The following FTO variants were observed in gnomAD, a reference collection of about 807,000 sequenced individuals.
FTO encodes the protein alpha-ketoglutarate-dependent dioxygenase FTO.
FTO carries 47 observed loss-of-function variants against 63.9 expected under a neutral mutation model. The observed-to-expected ratio is 0.74, with a 90% CI of 0.58 to 0.94. The LOEUF (loss-of-function observed/expected upper bound fraction) is 0.94, where lower values mean the gene tolerates loss of function less well. FTO is among the 40% of genes least tolerant of loss of function. The pLI, the probability that FTO is intolerant of heterozygous loss-of-function variation, is 0.00. For synonymous variants in FTO, 207 were observed against 224.4 expected (o/e 0.92, Z 0.69); for missense variants, 562 against 618.1 (o/e 0.91, Z 0.96).
At chr16:53,931,630 G>C (rs1327849099) in intron 7 of FTO, among the ~76,000 whole-genome samples, 1 of 151,938 alleles carries the variant, frequency 6.6e-6, no homozygotes, top group Non-Finnish European at 1.5e-5. Flanking sequence ...GACTTTTTGA[G>C]GTTCCTTTCA....
chr16:53,707,175 T>C (rs1041476882), intron 1 of FTO, among the ~76,000 whole-genome samples: 5 of 152,228 alleles, frequency 3.3e-5, no homozygotes, highest in African/African-American at 4.8e-5. Context: ...AAGGCATCAA[T>C]AGGGCCATAC....
intron 8 of FTO, among the ~76,000 whole-genome samples, chr16:53,981,034 G>T (rs1158729828): frequency 6.6e-6 from 1 of 152,194 alleles, no homozygotes; most frequent in East Asian, 1.9e-4. Flanking sequence ...AATTTGGAGA[G>T]AAATTTTTGC....
At chr16:54,068,159 G>C (rs190672421) in intron 8 of FTO, among the ~76,000 whole-genome samples, 1 of 152,026 alleles carries the variant, frequency 6.6e-6, no homozygotes, top group Admixed American at 6.6e-5. Flanking sequence ...GCTTCCCCAC[G>C]GTCCTCTGGG....
At chr16:53,948,949 C>T (rs1006355935) in intron 8 of FTO, among the ~76,000 whole-genome samples, 17 of 152,126 alleles carry the variant, frequency 1.1e-4, no homozygotes, top group Admixed American at 9.2e-4. Flanking sequence ...TAGGTTCTTG[C>T]GCGTGAGTGT....
At chr16:53,731,916 G>A (rs2151513757) in intron 1 of FTO, among the ~76,000 whole-genome samples, 1 of 151,706 alleles carries the variant, frequency 6.6e-6, no homozygotes, top group East Asian at 2.0e-4. Flanking sequence ...TGTAGAGACA[G>A]GGTTTCACCA....
At chr16:54,104,655 T>C (rs1459356962) in intron 8 of FTO, among the ~76,000 whole-genome samples, 1 of 152,126 alleles carries the variant, frequency 6.6e-6, no homozygotes, top group East Asian at 1.9e-4. Flanking sequence ...CTATTGCACA[T>C]TAGGAGAATG....
chr16:54,033,671 A>C (rs937367152), intron 8 of FTO, among the ~76,000 whole-genome samples: 2 of 152,058 alleles, frequency 1.3e-5, no homozygotes, highest in Admixed American at 1.3e-4. Context: ...AGACAACTTA[A>C]CAGGGTGTGG....
chr16:53,986,370 A>G (rs2143858362), intron 8 of FTO, among the ~76,000 whole-genome samples: 1 of 152,282 alleles, frequency 6.6e-6, no homozygotes, highest in African/African-American at 2.4e-5. Flanking sequence ...CCATCTCGGA[A>G]ACAGGGTGTT....
intron 7 of FTO, chr16:53,923,213 T>C (rs566245704): frequency 2.0e-5 from 3 of 152,378 alleles, no homozygotes; most frequent in African/African-American, 7.2e-5. Context: ...TCAGCCGTAG[T>C]AGTTAATGTA....
chr16:53,839,810 TA>T (rs1481063904), intron 3 of FTO, among the ~76,000 whole-genome samples: 17,029 of 116,400 alleles, frequency 0.15, 1,239 homozygotes, highest in East Asian at 0.22. Context: ...TTTATTTATT[TA>T]TTTATTTATT....
chr16:54,078,020 G>A (rs1368677626), intron 8 of FTO, among the ~76,000 whole-genome samples: 1 of 152,146 alleles, frequency 6.6e-6, no homozygotes, highest in Non-Finnish European at 1.5e-5. Context: ...CTGGTGACAA[G>A]GGGGTGCACT....
chr16:53,720,069 A>C (rs141911530), intron 1 of FTO, among the ~76,000 whole-genome samples: 1 of 152,210 alleles, frequency 6.6e-6, no homozygotes, highest in East Asian at 1.9e-4. Flanking sequence ...GTAGCCTGCT[A>C]TAGTTAGTGG....
At chr16:53,738,153 G>A (rs2076434158) in intron 1 of FTO, among the ~76,000 whole-genome samples, 1 of 151,754 alleles carries the variant, frequency 6.6e-6, no homozygotes, top group South Asian at 2.1e-4. Context: ...CTTCCGGGTA[G>A]CTGGGATTAC....
At chr16:54,048,050 C>G (rs1188525540) in intron 8 of FTO, among the ~76,000 whole-genome samples, 3 of 63,014 alleles carry the variant, frequency 4.8e-5, no homozygotes, top group Non-Finnish European at 7.5e-5. Context: ...CAGCATGGCA[C>G]ATGTATACAT....
chr16:54,039,128 CAG>C (rs1186794375), intron 8 of FTO, among the ~76,000 whole-genome samples: 6 of 152,152 alleles, frequency 3.9e-5, no homozygotes, highest in African/African-American at 1.4e-4. Flanking sequence ...GGGAAGGGAT[CAG>C]AGAGAGTGGG....
intron 8 of FTO, among the ~76,000 whole-genome samples, chr16:54,085,166 T>C (rs965162682): frequency 6.6e-6 from 1 of 152,238 alleles, no homozygotes; most frequent in Non-Finnish European, 1.5e-5. Flanking sequence ...ACTATAAGTA[T>C]GGGCAGAGTG....
chr16:54,121,230 G>A lies in FTO; in HGVS notation c.*9315G>A, dbSNP rs747315949. Reference sequence around the variant, plus strand: ...TGCTGAACTGTAGTCTAGCTCCAAGGATTGTTGTATCACCTGTGATCGTGC... The same window carrying A: ...TGCTGAACTGTAGTCTAGCTCCAAGAATTGTTGTATCACCTGTGATCGTGC... On this transcript the variant is annotated 3_prime_UTR_variant, in exon 9 of 9. Transcript: ENST00000471389. 1 of 152,150 alleles carries A rather than the reference G, an allele frequency of 6.6e-6. No homozygotes were observed. Among genetic ancestry groups the A allele is most frequent in the Non-Finnish European group, 1.5e-5 (1 of 68,038 alleles). The allele number at this position is 152,150 out of a possible 1,614,324, so 9.4% of individuals were successfully genotyped here.
intron 8 of FTO, among the ~76,000 whole-genome samples, chr16:53,988,177 A>G (rs969619876): frequency 6.6e-6 from 1 of 152,238 alleles, no homozygotes; most frequent in Non-Finnish European, 1.5e-5. Flanking sequence ...ATACACGTTC[A>G]GCTTTTCAGT....
At chr16:53,906,784 TC>T in intron 7 of FTO, among the ~76,000 whole-genome samples, 1 of 151,926 alleles carries the variant, frequency 6.6e-6, no homozygotes, top group East Asian at 1.9e-4. Flanking sequence ...GGCTGTCCGT[TC>T]CCCCAAACTA....
Sources: gnomAD v4.1 joint callset for allele counts (sites outside exome capture counted in the v4.1 genomes callset) on GRCh38, gnomAD v4.1.1 for gene constraint, MANE v1.5 for transcripts, NCBI Gene and HGNC (gene_info 2026-07-23, HGNC 2026-07-21) for gene names.